Variants in CDH13 observed in about 807,000 individuals in gnomAD.
CDH13 encodes cadherin-13.
Under a neutral mutation model 63.8 loss-of-function variants are expected in CDH13, and 24 were observed. The observed-to-expected ratio is 0.38, with a 90% CI of 0.27 to 0.53. The LOEUF (loss-of-function observed/expected upper bound fraction) is 0.53, where lower values mean the gene tolerates loss of function less well. Ranked by LOEUF, CDH13 falls within the 20% of genes least tolerant of loss-of-function variation. The pLI, the probability that CDH13 is intolerant of heterozygous loss-of-function variation, is 0.85. For synonymous variants in CDH13, 503 were observed against 355.3 expected (o/e 1.42, Z -4.67); for missense variants, 1,049 against 903.1 (o/e 1.16, Z -2.07).
chr16:82,771,258 C>G (rs2035251137), intron 1 of CDH13, among the ~76,000 whole-genome samples: 2 of 152,168 alleles, frequency 1.3e-5, no homozygotes, highest in Admixed American at 1.3e-4. Flanking sequence ...ATAAATAATA[C>G]TTTGACTTAT....
intron 6 of CDH13, among the ~76,000 whole-genome samples, chr16:83,364,206 T>A (rs561208136): frequency 6.6e-6 from 1 of 152,320 alleles, no homozygotes; most frequent in East Asian, 1.9e-4. Flanking sequence ...ATCCTTAAGA[T>A]AGACATAATA....
intron 7 of CDH13, among the ~76,000 whole-genome samples, chr16:83,535,735 ATATT>A (rs757698072): frequency 5.9e-5 from 9 of 151,558 alleles, no homozygotes; most frequent in Non-Finnish European, 1.0e-4. Flanking sequence ...AGTGTCATGA[ATATT>A]AAGTGAGTGA....
chr16:82,716,334 T>C (rs1234590152), intron 1 of CDH13, among the ~76,000 whole-genome samples: 2 of 152,106 alleles, frequency 1.3e-5, no homozygotes, highest in South Asian at 2.1e-4. Context: ...GAATTCTCCA[T>C]GTCACCTTTG....
intron 2 of CDH13, among the ~76,000 whole-genome samples, chr16:82,917,426 C>A (rs374084886): frequency 7.9e-5 from 12 of 152,104 alleles, no homozygotes; most frequent in African/African-American, 2.9e-4. Context: ...AAGAAAGATT[C>A]TTCACAGGGA....
intron 5 of CDH13, among the ~76,000 whole-genome samples, chr16:83,250,874 T>G (rs1021787727): frequency 2.6e-5 from 4 of 152,228 alleles, no homozygotes; most frequent in African/African-American, 9.6e-5. Context: ...CTTAAATTCT[T>G]TGTTGCAAAA....
Position 82,627,087 on chromosome 16 carries a change from G to T in CDH13, c.-6G>T. On this transcript the variant is annotated 5_prime_UTR_variant, in exon 1 of 14. Coordinates refer to ENST00000567109, the MANE Select transcript of CDH13 (RefSeq NM_001257.5). Reference sequence around the variant, plus strand: ...AAACGCCGCCGGGCGCTTCTAGTCGGACAAAATGCAGCCGAGAACTCCGCT... The same window carrying T: ...AAACGCCGCCGGGCGCTTCTAGTCGTACAAAATGCAGCCGAGAACTCCGCT... The T allele has an allele frequency of 6.2e-7, 1 of 1,600,424 alleles. No homozygotes were observed. The highest frequency in any genetic ancestry group is 1.3e-5 in the African/African-American group (1 of 74,746).
chr16:83,370,200 A>G (rs1360875342), intron 6 of CDH13, among the ~76,000 whole-genome samples: 1 of 152,164 alleles, frequency 6.6e-6, no homozygotes, highest in Non-Finnish European at 1.5e-5. Context: ...ATCCTGGCTA[A>G]CATGGTGAAA....
chr16:82,808,705 T>G (rs1314882352), intron 1 of CDH13, among the ~76,000 whole-genome samples: 4 of 152,154 alleles, frequency 2.6e-5, no homozygotes. Flanking sequence ...GTTAGGCAAT[T>G]TTATACAAGA....
chr16:82,742,734 G>A (rs545492003), intron 1 of CDH13, among the ~76,000 whole-genome samples: 35 of 152,234 alleles, frequency 2.3e-4, no homozygotes, highest in Admixed American at 1.2e-3. Context: ...TCTGAAGAAC[G>A]CATGCTCCCA....
At chr16:83,158,367 C>A (rs544482039) in intron 4 of CDH13, among the ~76,000 whole-genome samples, 4 of 152,222 alleles carry the variant, frequency 2.6e-5, no homozygotes, top group African/African-American at 7.2e-5. Flanking sequence ...ATTTCTTTTC[C>A]TTTTTTCCTT....
intron 6 of CDH13, among the ~76,000 whole-genome samples, chr16:83,441,119 G>GAATAAGAA (rs1397035962): frequency 3.3e-5 from 5 of 152,166 alleles, no homozygotes; most frequent in Non-Finnish European, 7.3e-5. Flanking sequence ...GAAATGTTTT[G>GAATAAGAA]AATAAGAAAA....
intron 6 of CDH13, among the ~76,000 whole-genome samples, chr16:83,363,304 C>T (rs2091198806): frequency 6.6e-6 from 1 of 152,066 alleles, no homozygotes; most frequent in South Asian, 2.1e-4. Flanking sequence ...TCCTTTGTGG[C>T]TCCAAGAAAA....
At chr16:83,154,724 C>A (rs1028440652) in intron 4 of CDH13, among the ~76,000 whole-genome samples, 10 of 152,282 alleles carry the variant, frequency 6.6e-5, no homozygotes, top group African/African-American at 2.2e-4. Context: ...TAGACACAGA[C>A]CCTGCCAGTG....
At chr16:82,902,721 T>C (rs1243749548) in intron 2 of CDH13, among the ~76,000 whole-genome samples, 2 of 152,182 alleles carry the variant, frequency 1.3e-5, no homozygotes, top group Non-Finnish European at 1.5e-5. Flanking sequence ...GTCTCTTCTG[T>C]TGAGCCATTC....
At chr16:83,653,710 C>A (rs1407903364) in intron 8 of CDH13, among the ~76,000 whole-genome samples, 1 of 152,116 alleles carries the variant, frequency 6.6e-6, no homozygotes, top group Non-Finnish European at 1.5e-5. Flanking sequence ...CTTAGGAATT[C>A]TCTTACCCTG....
At chr16:83,264,578 GTATA>G (rs370463593) in intron 5 of CDH13, among the ~76,000 whole-genome samples, 4 of 150,434 alleles carry the variant, frequency 2.7e-5, no homozygotes, top group Non-Finnish European at 4.4e-5. Flanking sequence ...ATACATATGT[GTATA>G]TATATATATG....
chr16:83,210,271 G>T (rs1413979156), intron 4 of CDH13, among the ~76,000 whole-genome samples: 4 of 151,864 alleles, frequency 2.6e-5, no homozygotes, highest in African/African-American at 9.7e-5. Flanking sequence ...CACCATGTTG[G>T]CCAAGCTGGT....
intron 6 of CDH13, among the ~76,000 whole-genome samples, chr16:83,457,942 C>T (rs190746759): frequency 6.6e-6 from 1 of 152,214 alleles, no homozygotes; most frequent in Non-Finnish European, 1.5e-5. Flanking sequence ...CCTCATCGGA[C>T]ATACGCAGTG....
At chr16:83,186,546 T>C (rs1567488923) in intron 4 of CDH13, among the ~76,000 whole-genome samples, 1 of 152,134 alleles carries the variant, frequency 6.6e-6, no homozygotes, top group Non-Finnish European at 1.5e-5. Flanking sequence ...GTTGTTATTG[T>C]TTTGTTTTTC....
Sources: allele counts gnomAD v4.1 joint callset (sites outside exome capture counted in the v4.1 genomes callset), GRCh38; gene constraint gnomAD v4.1.1; transcripts MANE v1.5; gene names NCBI Gene and HGNC (gene_info 2026-07-23, HGNC 2026-07-21).